Variants in RHOBTB3 observed in about 807,000 individuals in gnomAD.
RHOBTB3 encodes the protein rho-related BTB domain-containing protein 3.
Under a neutral mutation model 67.2 loss-of-function variants are expected in RHOBTB3, and 47 were observed. The observed-to-expected ratio is 0.70, with a 90% CI of 0.55 to 0.89. The LOEUF (loss-of-function observed/expected upper bound fraction) is 0.89. Among genes scored for constraint, RHOBTB3 ranks in the 40% least tolerant of loss-of-function variants. RHOBTB3 has a pLI of 0.00. For missense variants in RHOBTB3, 631 were observed against 750.0 expected, an observed-to-expected ratio of 0.84 and a Z score of 1.85; for synonymous variants, 273 against 274.2, an observed-to-expected ratio of 1.00 and a Z score of 0.04.
intron 9 of RHOBTB3, among the ~76,000 whole-genome samples, chr5:95,783,226 A>G (rs1194964206): frequency 6.6e-6 from 1 of 151,278 alleles, no homozygotes; most frequent in Non-Finnish European, 1.5e-5. Context: ...GGTTTTAGTG[A>G]TTTTCCTGCC....
intron 4 of RHOBTB3, among the ~76,000 whole-genome samples, chr5:95,750,960 A>G (rs1745072630): frequency 6.6e-6 from 1 of 152,230 alleles, no homozygotes; most frequent in East Asian, 1.9e-4. Flanking sequence ...CCAGGCTTTT[A>G]TGATGATGTA....
At chr5:95,734,825 A>G (rs1755413930) in intron 2 of RHOBTB3, among the ~76,000 whole-genome samples, 1 of 152,208 alleles carries the variant, frequency 6.6e-6, no homozygotes, top group Non-Finnish European at 1.5e-5. Flanking sequence ...CACATCCTCA[A>G]TCCCACAGAG....
At chr5:95,731,262 C>T, upstream of RHOBTB3, 3 of 1,009,236 alleles carry the variant, frequency 3.0e-6, no homozygotes, top group Non-Finnish European at 3.5e-6. Flanking sequence ...GCGCCCGGTC[C>T]GCTGAGGGGG....
Position 95,793,389 on chromosome 5 carries a change from C to T in RHOBTB3, c.*215C>T, listed in dbSNP as rs1746478415. 2.7e-6 allele frequency: 1 copy of T among 376,122 alleles called. No homozygotes were observed. The highest frequency in any genetic ancestry group is 4.7e-6 in the Non-Finnish European group (1 of 211,528). The allele number at this position is 376,122 out of a possible 1,614,324, so 23.3% of individuals were successfully genotyped here. Reference sequence around the variant, plus strand: ...ATAGGCTAAAACTAAGGCTTTCACTCTAGAATGCAAAGCTGTTTTGCAGCT... The same window carrying T: ...ATAGGCTAAAACTAAGGCTTTCACTTTAGAATGCAAAGCTGTTTTGCAGCT... On this transcript the variant is annotated 3_prime_UTR_variant, in exon 12 of 12. Transcript: ENST00000379982.
chr5:95,734,390 G>T (rs1021853711), intron 2 of RHOBTB3, among the ~76,000 whole-genome samples: 9 of 152,166 alleles, frequency 5.9e-5, no homozygotes, highest in African/African-American at 2.2e-4. Flanking sequence ...TTTACAAGGG[G>T]TGGGAGAATT....
chr5:95,768,728 T>C (rs1166979020), intron 8 of RHOBTB3, among the ~76,000 whole-genome samples: 1 of 152,232 alleles, frequency 6.6e-6, no homozygotes, highest in African/African-American at 2.4e-5. Context: ...TGAGAGCTGC[T>C]GCTTATCTCT....
At position 95,731,904 on chromosome 5, in the gene RHOBTB3, C is replaced by T. The variant is rs761435177; in HGVS notation, c.48C>T (p.His16=). 3 of 1,613,970 alleles carry T rather than the reference C, an allele frequency of 1.9e-6. No individual in the cohort carries two copies. In the South Asian group the frequency reaches 3.3e-5, roughly 18 times the overall value. The change falls in exon 2 of 12, where the codon CAC becomes CAT. Residue 16 remains histidine, a synonymous_variant. Coordinates refer to ENST00000379982, the MANE Select transcript of RHOBTB3 (RefSeq NM_014899.4). ...VALGNEGDTF[H]QDNRPSGLIR... ...TGGGGAACGAGGGGGACACATTCCA[C>T]CAGGACAACCGGCCGTCGGGGCTTA...
In RHOBTB3 at chr5:95,776,939, C is replaced by T. The variant is rs147920709; in HGVS notation, c.1283-3313C>T. On this transcript the variant is annotated intron_variant, in intron 8 of 11. Transcript: ENST00000379982. ...TGCTGAACCCACGTTCGCAGTCAATCTTTCCTTTAAAGTGTCCCAGGCCTT... is the reference window on the plus strand; with the variant it reads ...TGCTGAACCCACGTTCGCAGTCAATTTTTCCTTTAAAGTGTCCCAGGCCTT... Among the ~76,000 whole-genome samples the T allele has an allele frequency of 2.1e-3, 321 of 152,280 alleles. 4 individuals carry two copies. The highest frequency in any genetic ancestry group is 3.3e-3 in the Non-Finnish European group (226 of 68,018).
At chr5:95,722,230 G>C (rs1178081554) in intron 1 of RHOBTB3, among the ~76,000 whole-genome samples, 1 of 152,096 alleles carries the variant, frequency 6.6e-6, no homozygotes, top group African/African-American at 2.4e-5. Context: ...GATGGGGAAG[G>C]CTTTTAGTAC....
chr5:95,724,847 A>G (rs1222057672), intron 1 of RHOBTB3, among the ~76,000 whole-genome samples: 4 of 152,174 alleles, frequency 2.6e-5, no homozygotes, highest in Admixed American at 2.6e-4. Context: ...AAATTTGCAA[A>G]GCACTTAATG....
chr5:95,747,762 C>T (rs7706030), intron 3 of RHOBTB3, among the ~76,000 whole-genome samples: 1,759 of 152,106 alleles, frequency 0.012, 33 homozygotes, highest in African/African-American at 0.04. Context: ...AAGTCAAATG[C>T]GTTAGAGTTT....
At chr5:95,772,701 T>C (rs1745752092) in intron 8 of RHOBTB3, among the ~76,000 whole-genome samples, 1 of 152,254 alleles carries the variant, frequency 6.6e-6, no homozygotes, top group Admixed American at 6.5e-5. Flanking sequence ...TCTATGTTGT[T>C]ACATTGCTGT....
intron 11 of RHOBTB3, chr5:95,789,074 A>T (rs754081089): frequency 1.8e-5 from 8 of 437,394 alleles, no homozygotes; most frequent in Non-Finnish European, 3.2e-5. Flanking sequence ...TTTTCTAATG[A>T]TTATTTTATA....
intron 1 of RHOBTB3, among the ~76,000 whole-genome samples, chr5:95,720,625 T>C (rs1429886816): frequency 1.3e-5 from 2 of 151,996 alleles, no homozygotes; most frequent in East Asian, 3.9e-4. Flanking sequence ...CAAAGTAAAC[T>C]CTGCTTTTTT....
At chr5:95,731,225 G>T (rs952017643), upstream of RHOBTB3, 94 of 1,002,226 alleles carry the variant, frequency 9.4e-5, no homozygotes, top group Non-Finnish European at 1.1e-4. Context: ...CCCCGCATCC[G>T]CCCGACCCCC....
rs1054216722 is a variant in RHOBTB3, at chr5:95,794,333, G to A, written c.*1159G>A. The A allele has an allele frequency of 5.9e-6, 1 of 169,618 alleles. No homozygotes were observed. The allele number at this position is 169,618 out of a possible 1,614,324, so 10.5% of individuals were successfully genotyped here. Reference sequence around the variant, plus strand: ...GCTCTGTAGAGAATTTGCTACCGAAGTTGGCTCAAGAATTTGTTTTTAGTG... The same window carrying A: ...GCTCTGTAGAGAATTTGCTACCGAAATTGGCTCAAGAATTTGTTTTTAGTG... On this transcript the variant is annotated 3_prime_UTR_variant, in exon 12 of 12. Coordinates refer to ENST00000379982, the MANE Select transcript of RHOBTB3 (RefSeq NM_014899.4).
intron 8 of RHOBTB3, among the ~76,000 whole-genome samples, chr5:95,773,326 C>CT (rs2112820913): frequency 6.6e-6 from 1 of 152,294 alleles, no homozygotes; most frequent in African/African-American, 2.4e-5. Flanking sequence ...CATTGCTTCC[C>CT]TAGCTCTAAA....
intron 1 of RHOBTB3, among the ~76,000 whole-genome samples, chr5:95,718,279 C>T (rs1304612152): frequency 6.6e-6 from 1 of 151,888 alleles, no homozygotes; most frequent in Non-Finnish European, 1.5e-5. Context: ...GAGTTGAAGA[C>T]AGGGGAGAAG....
chr5:95,740,979 C>T (rs372219883), intron 3 of RHOBTB3, among the ~76,000 whole-genome samples: 2 of 151,988 alleles, frequency 1.3e-5, no homozygotes, highest in African/African-American at 4.8e-5. Context: ...CTTATTAAGC[C>T]TAATACAATC....
Sources: allele counts gnomAD v4.1 joint callset (sites outside exome capture counted in the v4.1 genomes callset), GRCh38; gene constraint gnomAD v4.1.1; transcripts MANE v1.5; gene names NCBI Gene and HGNC (gene_info 2026-07-23, HGNC 2026-07-21).